MSRB3: variants seen among roughly 807,000 people sequenced by gnomAD.
MSRB3 encodes methionine sulfoxide reductase B3.
MSRB3 carries 13 observed loss-of-function variants against 21.0 expected under a neutral mutation model. The ratio of observed to expected loss-of-function variants is 0.62; its 90% confidence interval spans 0.40 to 0.98. The LOEUF (loss-of-function observed/expected upper bound fraction) is 0.98, where lower values mean the gene tolerates loss of function less well. Ranked by LOEUF, MSRB3 falls within the 50% of genes least tolerant of loss-of-function variation. The pLI, the probability that MSRB3 is intolerant of heterozygous loss-of-function variation, is 0.00. For missense variants in MSRB3, 199 were observed against 230.3 expected, an observed-to-expected ratio of 0.86 and a Z score of 0.88; for synonymous variants, 87 against 88.6, an observed-to-expected ratio of 0.98 and a Z score of 0.10.
At chr12:65,303,294 G>GA (rs1483611208) in intron 1 of MSRB3, among the ~76,000 whole-genome samples, 13 of 151,914 alleles carry the variant, frequency 8.6e-5, no homozygotes, top group Admixed American at 7.9e-4. Context: ...CAACTACGGG[G>GA]AAAAAAGTAA....
chr12:65,308,839 T>C, intron 2 of MSRB3, 184 bp downstream of exon 2: 1 of 750,890 alleles, frequency 1.3e-6, no homozygotes. Flanking sequence ...CCACAATCCT[T>C]ACAACCCTTG....
At chr12:65,394,405 T>C (rs977686966) in intron 5 of MSRB3, among the ~76,000 whole-genome samples, 1 of 152,184 alleles carries the variant, frequency 6.6e-6, no homozygotes, top group South Asian at 2.1e-4. Context: ...AGAAATAGGA[T>C]ATACTTGTAA....
chr12:65,354,597 G>A (rs7307667), intron 4 of MSRB3, among the ~76,000 whole-genome samples: 6 of 151,492 alleles, frequency 4.0e-5, no homozygotes, highest in African/African-American at 9.7e-5. Flanking sequence ...AGGACTTCTC[G>A]GCATTGGTTA....
At chr12:65,325,789 A>C (rs1213271973) in intron 2 of MSRB3, among the ~76,000 whole-genome samples, 1 of 152,158 alleles carries the variant, frequency 6.6e-6, no homozygotes, top group African/African-American at 2.4e-5. Flanking sequence ...CCTCTTTCCC[A>C]CTGTGATGGA....
chr12:65,463,021 G>T, intron 6 of MSRB3, 134 bp from the exon 7 acceptor site: 1 of 1,104,482 alleles, frequency 9.1e-7, no homozygotes, highest in South Asian at 1.3e-5. Context: ...ATTGACAGGC[G>T]GATTAGAAAT....
intron 1 of MSRB3, among the ~76,000 whole-genome samples, chr12:65,296,912 C>T (rs770065711): frequency 2.0e-5 from 3 of 151,882 alleles, no homozygotes; most frequent in African/African-American, 4.8e-5. Context: ...AAGTGGGGGA[C>T]AACTGTGAAA....
chr12:65,449,504 C>A (rs1011190766), intron 5 of MSRB3, among the ~76,000 whole-genome samples: 2 of 152,104 alleles, frequency 1.3e-5, no homozygotes, highest in Non-Finnish European at 2.9e-5. Flanking sequence ...AGGACTGATA[C>A]ACACACAAAT....
intron 5 of MSRB3, among the ~76,000 whole-genome samples, chr12:65,422,695 G>A (rs1881384655): frequency 6.6e-6 from 1 of 151,234 alleles, no homozygotes; most frequent in Non-Finnish European, 1.5e-5. Flanking sequence ...GTGAACATAG[G>A]ATATCTTTCT....
At chr12:65,400,038 A>G (rs1015211014) in intron 5 of MSRB3, among the ~76,000 whole-genome samples, 10 of 152,190 alleles carry the variant, frequency 6.6e-5, no homozygotes, top group African/African-American at 2.4e-4. Context: ...ATTGATGTTC[A>G]TCAGGGATAT....
chr12:65,296,285 CCT>C (rs1377841138), intron 1 of MSRB3, among the ~76,000 whole-genome samples: 2 of 151,984 alleles, frequency 1.3e-5, no homozygotes, highest in Non-Finnish European at 2.9e-5. Context: ...TTAATTAAAC[CCT>C]CCAACACTCA....
chr12:65,320,377 G>A (rs1040030055), intron 2 of MSRB3, among the ~76,000 whole-genome samples: 16 of 152,200 alleles, frequency 1.1e-4, no homozygotes, highest in African/African-American at 3.4e-4. Flanking sequence ...TTTAAAAATA[G>A]AACAGGTACT....
intron 5 of MSRB3, among the ~76,000 whole-genome samples, chr12:65,398,015 G>T (rs189307972): frequency 6.6e-6 from 1 of 152,208 alleles, no homozygotes; most frequent in East Asian, 1.9e-4. Context: ...TCATTGATGG[G>T]CATTTGGGTT....
At chr12:65,331,747 G>A (rs1253325728) in intron 4 of MSRB3, among the ~76,000 whole-genome samples, 1 of 152,204 alleles carries the variant, frequency 6.6e-6, no homozygotes, top group East Asian at 1.9e-4. Flanking sequence ...TAAGCTGGGT[G>A]CAGAAGGAGC....
At chr12:65,279,081 G>A in intron 1 of MSRB3, 1 of 1,400,262 alleles carries the variant, frequency 7.1e-7, no homozygotes, top group Non-Finnish European at 9.2e-7. Context: ...GGTCAGGGCT[G>A]GTTTCCCCCC....
intron 5 of MSRB3, among the ~76,000 whole-genome samples, chr12:65,383,973 G>A (rs1879082338): frequency 6.6e-6 from 1 of 152,254 alleles, no homozygotes; most frequent in South Asian, 2.1e-4. Context: ...TATTTTAAAT[G>A]TAGAGATATG....
chr12:65,363,935 C>T (rs1040092029), intron 4 of MSRB3, among the ~76,000 whole-genome samples: 2 of 152,006 alleles, frequency 1.3e-5, no homozygotes, highest in Non-Finnish European at 2.9e-5. Context: ...GCATTGAGCT[C>T]ATAACATGTT....
chr12:65,458,912 C>A (rs1465480503), intron 6 of MSRB3, among the ~76,000 whole-genome samples: 1 of 152,222 alleles, frequency 6.6e-6, no homozygotes, highest in Non-Finnish European at 1.5e-5. Flanking sequence ...CAGCCTCTCC[C>A]TAATCCTCCA....
chr12:65,357,180 A>G (rs374170942), intron 4 of MSRB3, among the ~76,000 whole-genome samples: 1 of 151,850 alleles, frequency 6.6e-6, no homozygotes, highest in East Asian at 1.9e-4. Context: ...CCTAGCAGTC[A>G]TCTTTAATTA....
At chr12:65,424,393 A>G (rs1258683096) in intron 5 of MSRB3, among the ~76,000 whole-genome samples, 1 of 151,938 alleles carries the variant, frequency 6.6e-6, no homozygotes, top group African/African-American at 2.4e-5. Context: ...CTTGAGATGT[A>G]ACGTTAGGCT....
Sources: gnomAD v4.1 joint callset for allele counts (sites outside exome capture counted in the v4.1 genomes callset) on GRCh38, gnomAD v4.1.1 for gene constraint, MANE v1.5 for transcripts, NCBI Gene and HGNC (gene_info 2026-07-23, HGNC 2026-07-21) for gene names.